Variants in UBE2F observed in about 807,000 individuals in gnomAD.
UBE2F encodes NEDD8-conjugating enzyme UBE2F.
A neutral mutation model predicts 29.6 loss-of-function variants in UBE2F; 5 were observed. The observed-to-expected ratio is 0.17, with a 90% CI of 0.09 to 0.36. The LOEUF (loss-of-function observed/expected upper bound fraction) is 0.36, where lower values mean the gene tolerates loss of function less well. Ranked by LOEUF, UBE2F falls within the 10% of genes least tolerant of loss-of-function variation. The pLI, the probability that UBE2F is intolerant of heterozygous loss-of-function variation, is 1.00. For missense variants in UBE2F, 141 were observed against 228.5 expected (o/e 0.62, Z 2.47); for synonymous variants, 66 against 81.8 (o/e 0.81, Z 1.04).
chr2:238,010,004 G>T (rs2063985495), intron 4 of UBE2F, among the ~76,000 whole-genome samples: 1 of 151,912 alleles, frequency 6.6e-6, no homozygotes, highest in African/African-American at 2.4e-5. Flanking sequence ...TACTTCACTG[G>T]CTGGAAAACC....
At chr2:238,024,970 G>T (rs2064382389) in intron 5 of UBE2F, among the ~76,000 whole-genome samples, 1 of 152,236 alleles carries the variant, frequency 6.6e-6, no homozygotes, top group African/African-American at 2.4e-5. Flanking sequence ...CCCAGAGGAT[G>T]TAGAACTATT....
intron 2 of UBE2F, among the ~76,000 whole-genome samples, chr2:237,975,407 G>A (rs192070562): frequency 3.3e-5 from 5 of 152,256 alleles, no homozygotes; most frequent in Admixed American, 6.5e-5. Context: ...CACTGTACCC[G>A]TCAAGTGTTT....
chr2:238,012,700 C>G (rs1183270104), intron 4 of UBE2F, among the ~76,000 whole-genome samples: 2 of 152,124 alleles, frequency 1.3e-5, no homozygotes, highest in African/African-American at 2.4e-5. Context: ...CAATATGCCT[C>G]TGACAGCCAT....
intron 3 of UBE2F, among the ~76,000 whole-genome samples, chr2:237,992,784 C>T (rs570265304): frequency 4.6e-5 from 7 of 152,266 alleles, no homozygotes; most frequent in Admixed American, 3.9e-4. Context: ...TGGACTAGAT[C>T]GTCTCTAAGG....
rs760991537 is a variant in UBE2F, at chr2:238,042,267, G to A, written c.*929G>A. On this transcript the variant is annotated 3_prime_UTR_variant, in exon 10 of 10. Coordinates refer to ENST00000272930, the MANE Select transcript of UBE2F (RefSeq NM_080678.3). ...GGGTTGATGCTTTTGCAGTGGTCATGTGATTGTGACCTGGTAGCTACTTAT... is the reference window on the plus strand; with the variant it reads ...GGGTTGATGCTTTTGCAGTGGTCATATGATTGTGACCTGGTAGCTACTTAT... The A allele has an allele frequency of 1.3e-5, 2 of 152,252 alleles. No individual in the cohort carries two copies. The highest frequency in any genetic ancestry group is 4.8e-5 in the African/African-American group (2 of 41,462). The allele number at this position is 152,252 out of a possible 1,614,324, so 9.4% of individuals were successfully genotyped here.
chr2:238,030,231 G>A (rs2064542112), intron 6 of UBE2F, among the ~76,000 whole-genome samples: 1 of 152,116 alleles, frequency 6.6e-6, no homozygotes, highest in East Asian at 1.9e-4. Flanking sequence ...ACCATACCCA[G>A]CCACCATTGT....
chr2:238,020,856 C>T (rs893241527), intron 5 of UBE2F, among the ~76,000 whole-genome samples: 2 of 152,170 alleles, frequency 1.3e-5, no homozygotes, highest in African/African-American at 4.8e-5. Flanking sequence ...AGGATGGGAA[C>T]TTGGTGGCCT....
intron 4 of UBE2F, among the ~76,000 whole-genome samples, chr2:238,015,705 T>C (rs571616574): frequency 6.6e-6 from 1 of 152,360 alleles, no homozygotes; most frequent in South Asian, 2.1e-4. Flanking sequence ...TTCATGATGA[T>C]AAATATTTTA....
chr2:237,986,431 G>A (rs1336458950), intron 2 of UBE2F: 2 of 153,172 alleles, frequency 1.3e-5, no homozygotes, highest in Admixed American at 1.3e-4. Context: ...TGGGATTACA[G>A]GCAGGAGCCA....
chr2:237,991,609 CT>C (rs774476848), intron 3 of UBE2F, among the ~76,000 whole-genome samples: 20 of 53,040 alleles, frequency 3.8e-4, no homozygotes, highest in Admixed American at 7.9e-4. Flanking sequence ...TTCTTTCTTT[CT>C]TTTTTTTTTT....
intron 7 of UBE2F, among the ~76,000 whole-genome samples, chr2:238,031,134 C>A (rs1298547893): frequency 6.6e-6 from 1 of 152,248 alleles, no homozygotes; most frequent in Non-Finnish European, 1.5e-5. Flanking sequence ...CCTGACCCAG[C>A]TCCTCCGAGC....
chr2:238,005,261 T>C (rs1195170236), intron 4 of UBE2F, among the ~76,000 whole-genome samples: 1 of 152,204 alleles, frequency 6.6e-6, no homozygotes, highest in Non-Finnish European at 1.5e-5. Flanking sequence ...AGTGTCACGA[T>C]CATGGCTCAC....
intron 5 of UBE2F, among the ~76,000 whole-genome samples, chr2:238,016,843 G>A (rs770545454): frequency 3.3e-5 from 5 of 152,092 alleles, no homozygotes; most frequent in Non-Finnish European, 5.9e-5. Context: ...AAATACTTAT[G>A]AGTACTATGT....
intron 3 of UBE2F, among the ~76,000 whole-genome samples, chr2:237,989,632 C>T (rs1485593944): frequency 2.0e-5 from 3 of 151,942 alleles, no homozygotes; most frequent in African/African-American, 4.8e-5. Flanking sequence ...GGATTACAGG[C>T]GTGAGCCACT....
At chr2:238,036,642 C>G (rs908764073) in intron 9 of UBE2F, among the ~76,000 whole-genome samples, 2 of 152,110 alleles carry the variant, frequency 1.3e-5, no homozygotes, top group African/African-American at 4.8e-5. Flanking sequence ...TGAGACCAGC[C>G]TGGGCAACAT....
chr2:237,989,003 C>G, intron 3 of UBE2F, among the ~76,000 whole-genome samples: 1 of 152,204 alleles, frequency 6.6e-6, no homozygotes, highest in East Asian at 1.9e-4. Context: ...GTCGTATTCT[C>G]TCTATCATTA....
rs1341661153 is a variant in UBE2F, at chr2:237,982,474, G to A, written c.119-5489G>A. Among the ~76,000 whole-genome samples, 2 of 152,098 alleles carry A rather than the reference G, an allele frequency of 1.3e-5. No homozygotes were observed. The highest frequency in any genetic ancestry group is 2.9e-5 in the Non-Finnish European group (2 of 68,028). ...CTGGCCCCTCTGCTTGCAATCCACAGTCGCTTACCATGCCGTCTGGACACA... is the reference window on the plus strand; with the variant it reads ...CTGGCCCCTCTGCTTGCAATCCACAATCGCTTACCATGCCGTCTGGACACA... On this transcript the variant is annotated intron_variant, in intron 2 of 9. Coordinates refer to ENST00000272930, the MANE Select transcript of UBE2F (RefSeq NM_080678.3). The surrounding 1 kb of genome is among the most constrained non-coding windows in gnomAD (Gnocchi z 4.1).
intron 4 of UBE2F, among the ~76,000 whole-genome samples, chr2:238,010,301 G>A (rs992720834): frequency 2.0e-5 from 3 of 151,354 alleles, no homozygotes; most frequent in African/African-American, 7.3e-5. Context: ...AGCCTCCCAA[G>A]TAGCTGGGAA....
chr2:238,033,499 G>A (rs999725294), intron 8 of UBE2F, among the ~76,000 whole-genome samples: 2 of 152,186 alleles, frequency 1.3e-5, no homozygotes, highest in African/African-American at 2.4e-5. Flanking sequence ...TCCTGGCCAG[G>A]TGTCATGTGG....
Sources: allele counts gnomAD v4.1 joint callset (sites outside exome capture counted in the v4.1 genomes callset), GRCh38; gene constraint gnomAD v4.1.1; non-coding constraint Gnocchi (gnomAD v3.1); transcripts MANE v1.5; gene names NCBI Gene and HGNC (gene_info 2026-07-23, HGNC 2026-07-21).